ANKRD44: variants seen among roughly 807,000 people sequenced by gnomAD.
ANKRD44 encodes serine/threonine-protein phosphatase 6 regulatory ankyrin repeat subunit B.
ANKRD44 carries 35 observed loss-of-function variants against 116.0 expected under a neutral mutation model. The ratio of observed to expected loss-of-function variants is 0.30; its 90% confidence interval spans 0.23 to 0.40. The LOEUF (loss-of-function observed/expected upper bound fraction) is 0.40. ANKRD44 is among the 10% of genes least tolerant of loss of function. The probability of loss-of-function intolerance (pLI) is 1.00; values close to 1 mark genes in which losing one functional copy is unlikely to be tolerated. For synonymous variants in ANKRD44, 435 were observed against 461.8 expected, an observed-to-expected ratio of 0.94 and a Z score of 0.74; for missense variants, 1,014 against 1,242.6, an observed-to-expected ratio of 0.82 and a Z score of 2.77.
At chr2:197,141,614 T>C (rs1411327904) in intron 3 of ANKRD44, among the ~76,000 whole-genome samples, 2 of 152,144 alleles carry the variant, frequency 1.3e-5, no homozygotes, top group Non-Finnish European at 2.9e-5. Context: ...CCTTGAGAAA[T>C]TTCAAGGTGA....
At chr2:197,306,159 C>G (rs1457077398) in intron 1 of ANKRD44, among the ~76,000 whole-genome samples, 2 of 152,044 alleles carry the variant, frequency 1.3e-5, no homozygotes, top group Non-Finnish European at 1.5e-5. Flanking sequence ...TCAGGGAACG[C>G]TGTTCATCCA....
chr2:197,188,388 G>A (rs1368408232), intron 1 of ANKRD44, among the ~76,000 whole-genome samples: 1 of 152,190 alleles, frequency 6.6e-6, no homozygotes, highest in African/African-American at 2.4e-5. Flanking sequence ...GTGTGCAAAG[G>A]TGTGGATGTG....
intron 1 of ANKRD44, among the ~76,000 whole-genome samples, chr2:197,309,108 T>C (rs1321801893): frequency 6.6e-6 from 1 of 152,230 alleles, no homozygotes; most frequent in East Asian, 1.9e-4. Flanking sequence ...CTTTGTACTT[T>C]GAAGATCTAG....
intron 2 of ANKRD44, among the ~76,000 whole-genome samples, chr2:197,150,329 A>G (rs151074114): frequency 0.036 from 5,543 of 152,218 alleles, 140 homozygotes; most frequent in Non-Finnish European, 0.053. Flanking sequence ...TGGGCGGATC[A>G]CAAGTTCAGG....
chr2:197,170,190 C>CAAAAAAAAAAAAAAAAAAAAAAAAAAAA (rs71012960), intron 2 of ANKRD44, among the ~76,000 whole-genome samples: 2 of 119,752 alleles, frequency 1.7e-5, no homozygotes, highest in East Asian at 2.4e-4. Flanking sequence ...ACCCTGTTTC[C>CAAAAAAAAAAAAAAAAAAAAAAAAAAAA]AAAAAAAAAA....
intron 21 of ANKRD44, among the ~76,000 whole-genome samples, 155 bp downstream of exon 21, chr2:197,005,539 A>T (rs958781495): frequency 6.6e-6 from 1 of 152,230 alleles, no homozygotes; most frequent in Non-Finnish European, 1.5e-5. Context: ...AGAACTATTA[A>T]AAAAACAAAC....
chr2:197,263,362 G>T, intron 1 of ANKRD44: 1 of 642,304 alleles, frequency 1.6e-6, no homozygotes. Flanking sequence ...AGTTGGGGTG[G>T]CGGGCTCTGG....
intron 1 of ANKRD44, among the ~76,000 whole-genome samples, chr2:197,284,127 G>A (rs942649608): frequency 8.5e-5 from 13 of 152,116 alleles, no homozygotes; most frequent in East Asian, 7.7e-4. Flanking sequence ...TCTTCTCCAC[G>A]TTATGGATAA....
intron 1 of ANKRD44, among the ~76,000 whole-genome samples, chr2:197,235,349 G>T (rs1452455399): frequency 6.6e-6 from 1 of 152,162 alleles, no homozygotes; most frequent in Non-Finnish European, 1.5e-5. Flanking sequence ...AGGCACGGTG[G>T]CTCACGCCTG....
chr2:197,253,608 A>C (rs2082372039), intron 1 of ANKRD44, among the ~76,000 whole-genome samples: 1 of 152,224 alleles, frequency 6.6e-6, no homozygotes, highest in Admixed American at 6.5e-5. Context: ...TAAGAACTTG[A>C]GACCAGAAAG....
intron 21 of ANKRD44, among the ~76,000 whole-genome samples, chr2:196,969,896 G>C (rs2075703471): frequency 6.6e-6 from 1 of 152,132 alleles, no homozygotes; most frequent in South Asian, 2.1e-4. Context: ...AAGAATTTAA[G>C]AATATATCCT....
At chr2:197,288,306 G>C (rs1462921776) in intron 1 of ANKRD44, among the ~76,000 whole-genome samples, 1 of 152,116 alleles carries the variant, frequency 6.6e-6, no homozygotes, top group Admixed American at 6.5e-5. Flanking sequence ...AACTTCATGG[G>C]CGGTATATAA....
intron 1 of ANKRD44, among the ~76,000 whole-genome samples, chr2:197,232,332 G>C (rs1389299600): frequency 1.3e-5 from 2 of 152,178 alleles, no homozygotes; most frequent in African/African-American, 4.8e-5. Context: ...GGCACCTGAG[G>C]ATAGGCACAA....
Position 197,248,593 on chromosome 2 carries a change from A to G in ANKRD44, c.28-61487T>C, listed in dbSNP as rs3057779. 8.6e-4 allele frequency among the ~76,000 whole-genome samples: 91 copies of G among 105,804 alleles called. 2 individuals are homozygous for G. Among genetic ancestry groups the G allele is most frequent in the African/African-American group, 2.9e-3 (85 of 29,714 alleles). 69.4% of individuals were successfully genotyped at this position (105,804 alleles called of 152,430 possible). On this transcript the variant is annotated intron_variant, in intron 1 of 27. Transcript: ENST00000282272. ...GTGTGTGTGTGTATATATATATATAAAGAGAGAGATTGAGAGAGAGAGGAG... is the reference window on the plus strand; with the variant it reads ...GTGTGTGTGTGTATATATATATATAGAGAGAGAGATTGAGAGAGAGAGGAG...
chr2:197,021,113 C>T (rs2076490350), intron 17 of ANKRD44, among the ~76,000 whole-genome samples: 1 of 152,198 alleles, frequency 6.6e-6, no homozygotes, highest in Admixed American at 6.5e-5. Context: ...CATGTCACTA[C>T]AAAGGACATG....
chr2:197,263,556 A>T, intron 1 of ANKRD44: 1 of 293,034 alleles, frequency 3.4e-6, no homozygotes, highest in Non-Finnish European at 6.7e-6. Context: ...TCCACCTCCC[A>T]TATTTCTTTC....
chr2:197,075,001 C>T (rs546674900), intron 16 of ANKRD44, among the ~76,000 whole-genome samples: 1 of 152,198 alleles, frequency 6.6e-6, no homozygotes, highest in East Asian at 1.9e-4. Flanking sequence ...TTTGTCACCC[C>T]TACTTATTCT....
At chr2:197,009,415 G>A (rs755246392) in intron 18 of ANKRD44, among the ~76,000 whole-genome samples, 26 of 148,840 alleles carry the variant, frequency 1.7e-4, no homozygotes, top group African/African-American at 3.2e-4. Flanking sequence ...TCACTCTGTC[G>A]TCCAGGCTGG....
chr2:197,103,677 T>G (rs1400529796), intron 9 of ANKRD44, among the ~76,000 whole-genome samples: 1 of 152,222 alleles, frequency 6.6e-6, no homozygotes, highest in East Asian at 1.9e-4. Flanking sequence ...TTAAGTACCT[T>G]ATTTCTGATT....
Sources: gnomAD v4.1 joint callset for allele counts (sites outside exome capture counted in the v4.1 genomes callset) on GRCh38, gnomAD v4.1.1 for gene constraint, MANE v1.5 for transcripts, NCBI Gene and HGNC (gene_info 2026-07-23, HGNC 2026-07-21) for gene names.